The following NELL2 variants were observed in gnomAD, a reference collection of about 807,000 sequenced individuals.
The protein encoded by NELL2 is neural EGFL like 2.
NELL2 carries 41 observed loss-of-function variants against 109.6 expected under a neutral mutation model. That is an observed-to-expected ratio of 0.37 (90% CI 0.29 to 0.49). The LOEUF (loss-of-function observed/expected upper bound fraction) is 0.49, where lower values mean the gene tolerates loss of function less well. NELL2 is among the 20% of genes least tolerant of loss of function. The pLI is 0.98. For synonymous variants in NELL2, 355 were observed against 344.7 expected (o/e 1.03, Z -0.33); for missense variants, 900 against 1,008.3 (o/e 0.89, Z 1.45).
chr12:44,827,059 C>CT (rs1592610829), intron 2 of NELL2, among the ~76,000 whole-genome samples: 1 of 152,034 alleles, frequency 6.6e-6, no homozygotes, highest in Non-Finnish European at 1.5e-5. Flanking sequence ...AAACAGAAGG[C>CT]TTTTTTAAAA....
rs918099166 is a variant in NELL2, at chr12:44,636,155, G to C, written c.1445-25185C>G. 2.6e-5 allele frequency among the ~76,000 whole-genome samples: 4 copies of C among 151,952 alleles called. No individual in the cohort carries two copies. In the South Asian group the frequency reaches 8.3e-4, roughly 31 times the overall value. On this transcript the variant is annotated intron_variant, in intron 13 of 19. Coordinates refer to ENST00000429094, the MANE Select transcript of NELL2 (RefSeq NM_001145108.2). ...ATTTTGTATCCTGAGACTTTGCTGAGGTTGCTTATCAGCTTAAGGAGATTT... is the reference window on the plus strand; with the variant it reads ...ATTTTGTATCCTGAGACTTTGCTGACGTTGCTTATCAGCTTAAGGAGATTT...
chr12:44,635,645 A>T lies in NELL2; in HGVS notation c.1445-24675T>A, dbSNP rs12229413. On this transcript the variant is annotated intron_variant, in intron 13 of 19. Transcript: ENST00000429094. ...TCTGTTCTGTTCCATTGATCTATAC[A>T]TCTGTTTTGGTACCAGTACCATGCT... Among the ~76,000 whole-genome samples, 182 of 152,090 alleles carry T rather than the reference A, an allele frequency of 1.2e-3. 3 individuals carry two copies. In the East Asian group the frequency reaches 0.026, roughly 22 times the overall value.
chr12:44,684,641 G>T, intron 12 of NELL2, among the ~76,000 whole-genome samples: 1 of 152,134 alleles, frequency 6.6e-6, no homozygotes, highest in East Asian at 1.9e-4. Context: ...TGGTTTCAAA[G>T]AACATCTTTA....
intron 3 of NELL2, among the ~76,000 whole-genome samples, chr12:44,803,488 G>A (rs1942900847): frequency 6.6e-6 from 1 of 152,034 alleles, no homozygotes; most frequent in Non-Finnish European, 1.5e-5. Context: ...AGGAATAAGA[G>A]ATGGAGGGTG....
chr12:44,716,960 G>A (rs1275089891), intron 9 of NELL2, among the ~76,000 whole-genome samples: 1 of 151,982 alleles, frequency 6.6e-6, no homozygotes, highest in Non-Finnish European at 1.5e-5. Flanking sequence ...GGGACAATAG[G>A]GCACCAAATG....
intron 9 of NELL2, among the ~76,000 whole-genome samples, chr12:44,755,159 C>A (rs1940827539): frequency 1.3e-5 from 2 of 152,264 alleles, no homozygotes; most frequent in African/African-American, 4.8e-5. Context: ...CTCCCTGAAT[C>A]CTGTTATTCC....
chr12:44,812,488 C>T (rs1212168684), intron 3 of NELL2, among the ~76,000 whole-genome samples: 1 of 152,080 alleles, frequency 6.6e-6, no homozygotes, highest in Non-Finnish European at 1.5e-5. Context: ...GGTTTTTATC[C>T]TTTTGTTTGC....
chr12:44,600,880 T>G lies in NELL2; in HGVS notation c.1663+6289A>C, dbSNP rs570178738. On this transcript the variant is annotated intron_variant, in intron 15 of 19. Coordinates refer to ENST00000429094, the MANE Select transcript of NELL2 (RefSeq NM_001145108.2). ...AATTTTATACAATATGTACATAATG[T>G]TTATTCAAAATATTAATATTCAATT... 6.7e-4 allele frequency among the ~76,000 whole-genome samples: 102 copies of G among 151,698 alleles called. 1 individual carries two copies. Among genetic ancestry groups the G allele is most frequent in the Non-Finnish European group, 8.8e-5 (6 of 68,026 alleles).
rs561278142 is a variant in NELL2, at chr12:44,884,811, T to A, written c.39-8911A>T. ...GGAAAAACGTGATTATATCCACTGA[T>A]GAAAACAATGATTTGACAAAATTCA... On this transcript the variant is annotated intron_variant, in intron 1 of 20. Coordinates refer to the NELL2 transcript ENST00000333837. 2.6e-5 allele frequency among the ~76,000 whole-genome samples: 4 copies of A among 152,080 alleles called. No homozygotes were observed. In the South Asian group the frequency reaches 8.3e-4, roughly 32 times the overall value.
intron 9 of NELL2, among the ~76,000 whole-genome samples, chr12:44,756,879 C>G (rs1415767755): frequency 6.6e-6 from 1 of 152,034 alleles, no homozygotes; most frequent in Non-Finnish European, 1.5e-5. Context: ...CCTATGGCTC[C>G]AGTTAGCATC....
chr12:44,681,791 C>T (rs1400199103), intron 12 of NELL2, among the ~76,000 whole-genome samples: 6 of 152,038 alleles, frequency 3.9e-5, no homozygotes, highest in Non-Finnish European at 8.8e-5. Context: ...TGTATATGTG[C>T]CACATTTTCT....
In NELL2 at chr12:44,876,169, G is replaced by C. The variant is rs887745129; in HGVS notation, c.-300C>G. On this transcript the variant is annotated 5_prime_UTR_variant, in exon 1 of 20. Coordinates refer to ENST00000429094, the MANE Select transcript of NELL2 (RefSeq NM_001145108.2). ...GACTCGCCCCGGCGCGGCTCCGTCG[G>C]GGAATTAGCTCCCGAGCCGAATAAA... 7.9e-7 allele frequency: 1 copy of C among 1,260,670 alleles called. No homozygotes were observed. Among genetic ancestry groups the C allele is most frequent in the Non-Finnish European group, 1.0e-6 (1 of 999,450 alleles). 78.1% of individuals were successfully genotyped at this position (1,260,670 alleles called of 1,614,324 possible).
chr12:44,698,746 C>T (rs1341051066), intron 12 of NELL2, among the ~76,000 whole-genome samples: 1 of 152,174 alleles, frequency 6.6e-6, no homozygotes, highest in Non-Finnish European at 1.5e-5. Flanking sequence ...AATAAGGCAT[C>T]AATTACCAAT....
At chr12:44,792,253 G>T (rs1051909270) in intron 3 of NELL2, among the ~76,000 whole-genome samples, 2 of 152,264 alleles carry the variant, frequency 1.3e-5, no homozygotes, top group Admixed American at 6.5e-5. Flanking sequence ...CTTGAAGAAG[G>T]TTCAAGAGAG....
At chr12:44,639,868 A>G (rs568641808) in intron 13 of NELL2, among the ~76,000 whole-genome samples, 2 of 152,128 alleles carry the variant, frequency 1.3e-5, no homozygotes, top group African/African-American at 4.8e-5. Context: ...CAGACTCTGC[A>G]TGATCGGACC....
intron 1 of NELL2, among the ~76,000 whole-genome samples, chr12:44,920,491 C>A (rs939446840): frequency 2.0e-5 from 3 of 152,014 alleles, no homozygotes; most frequent in Admixed American, 2.0e-4. Flanking sequence ...ACAAAGGTTT[C>A]CTAATGTAGT....
chr12:44,839,353 T>C (rs1944152251), intron 2 of NELL2, among the ~76,000 whole-genome samples: 1 of 152,172 alleles, frequency 6.6e-6, no homozygotes, highest in Non-Finnish European at 1.5e-5. Flanking sequence ...AACAAGACTA[T>C]ATTGGAAGAA....
intron 1 of NELL2, among the ~76,000 whole-genome samples, chr12:44,891,258 A>T (rs1311912050): frequency 1.3e-5 from 2 of 152,280 alleles, no homozygotes; most frequent in Middle Eastern, 3.4e-3. Flanking sequence ...TCCAAATAAC[A>T]ATTTCAAATA....
chr12:44,681,731 T>C (rs1948514800), intron 12 of NELL2, among the ~76,000 whole-genome samples: 1 of 152,206 alleles, frequency 6.6e-6, no homozygotes, highest in Non-Finnish European at 1.5e-5. Context: ...TCCATGTCCC[T>C]ACAAAGGACA....
Sources: gnomAD v4.1 joint callset for allele counts (sites outside exome capture counted in the v4.1 genomes callset) on GRCh38, gnomAD v4.1.1 for gene constraint, MANE v1.5 for transcripts, NCBI Gene and HGNC (gene_info 2026-07-23, HGNC 2026-07-21) for gene names.